PREX2: variants seen among roughly 807,000 people sequenced by gnomAD.
PREX2 encodes phosphatidylinositol 3,4,5-trisphosphate-dependent Rac exchanger 2 protein.
In PREX2, 107 loss-of-function variants were observed where a neutral mutation model predicts 203.2. That is an observed-to-expected ratio of 0.53 (90% CI 0.45 to 0.62). The LOEUF is 0.62. Ranked by LOEUF, PREX2 falls within the 20% of genes least tolerant of loss-of-function variation. The pLI is 0.00. For synonymous variants in PREX2, 672 were observed against 663.6 expected (o/e 1.01, Z -0.19); for missense variants, 1,777 against 1,955.9 (o/e 0.91, Z 1.72).
At chr8:68,060,315 A>G (rs925353333) in intron 10 of PREX2, among the ~76,000 whole-genome samples, 1 of 152,298 alleles carries the variant, frequency 6.6e-6, no homozygotes, top group Non-Finnish European at 1.5e-5. Context: ...GACTTTAGCT[A>G]TCTTTAGGAT....
At chr8:68,217,860 T>G (rs1335630441) in intron 38 of PREX2, 142 bp downstream of exon 38, 1 of 505,888 alleles carries the variant, frequency 2.0e-6, no homozygotes, top group Non-Finnish European at 3.1e-6. Context: ...GAATGAGAAA[T>G]GCTCCCAGGG....
intron 35 of PREX2, among the ~76,000 whole-genome samples, chr8:68,157,754 T>C (rs981921434): frequency 1.3e-5 from 2 of 152,004 alleles, no homozygotes; most frequent in African/African-American, 4.8e-5. Context: ...GTGTCCCCTA[T>C]AAGATTTATT....
At chr8:68,167,760 T>C (rs1811793529) in intron 35 of PREX2, among the ~76,000 whole-genome samples, 3 of 152,216 alleles carry the variant, frequency 2.0e-5, no homozygotes, top group Admixed American at 2.0e-4. Context: ...TATAGTTCCC[T>C]TTGTAAAATA....
chr8:67,953,932 A>T (rs1285243620), intron 1 of PREX2, among the ~76,000 whole-genome samples: 1 of 152,194 alleles, frequency 6.6e-6, no homozygotes, highest in African/African-American at 2.4e-5. Flanking sequence ...TTGGTAACAA[A>T]GTTCTTTGTC....
At chr8:67,961,653 A>G (rs1295994743) in intron 1 of PREX2, among the ~76,000 whole-genome samples, 3 of 152,106 alleles carry the variant, frequency 2.0e-5, no homozygotes, top group Admixed American at 1.3e-4. Context: ...ATATTCCCCC[A>G]TTTTCATAAA....
chr8:68,056,658 C>G (rs1808687922), intron 10 of PREX2, among the ~76,000 whole-genome samples: 1 of 152,128 alleles, frequency 6.6e-6, no homozygotes, highest in African/African-American at 2.4e-5. Context: ...TACATTATTT[C>G]TAATGCTGGA....
intron 9 of PREX2, 38 bp downstream of exon 9, chr8:68,053,284 G>A (rs754728593): frequency 6.2e-7 from 1 of 1,606,638 alleles, no homozygotes; most frequent in Admixed American, 1.7e-5. Context: ...ACTTTGTGAA[G>A]ACTCTAACTT....
chr8:68,141,288 T>C (rs920831458), intron 33 of PREX2, among the ~76,000 whole-genome samples: 1 of 152,182 alleles, frequency 6.6e-6, no homozygotes. Context: ...ATATGGGTCA[T>C]TTTATAGTAG....
chr8:68,078,231 T>A (rs974035502), intron 15 of PREX2, among the ~76,000 whole-genome samples: 2 of 152,140 alleles, frequency 1.3e-5, no homozygotes, highest in African/African-American at 2.4e-5. Context: ...AGTGGCATGA[T>A]CTCAGCTCAC....
At chr8:68,138,580 G>C (rs1239065483) in intron 33 of PREX2, 63 bp downstream of exon 33, 1 of 732,076 alleles carries the variant, frequency 1.4e-6, no homozygotes, top group Non-Finnish European at 2.3e-6. Context: ...ATATAACTTT[G>C]GTATTAATAT....
intron 17 of PREX2, among the ~76,000 whole-genome samples, chr8:68,082,007 C>G (rs1280313919): frequency 6.6e-6 from 1 of 150,962 alleles, no homozygotes; most frequent in African/African-American, 2.4e-5. Context: ...ACTTTACCAG[C>G]CTTTCAAACA....
chr8:68,063,466 C>A (rs1002700677), intron 11 of PREX2, among the ~76,000 whole-genome samples: 3 of 152,064 alleles, frequency 2.0e-5, no homozygotes, highest in African/African-American at 7.2e-5. Context: ...GATGGCTGAG[C>A]CTCTGTCAGA....
At chr8:68,097,841 C>A (rs538884182) in intron 22 of PREX2, among the ~76,000 whole-genome samples, 2 of 152,328 alleles carry the variant, frequency 1.3e-5, no homozygotes, top group Admixed American at 1.3e-4. Context: ...ACAGATGCTA[C>A]TTTTTCTTAA....
At chr8:68,150,684 C>G (rs561969855) in intron 34 of PREX2, among the ~76,000 whole-genome samples, 1 of 152,240 alleles carries the variant, frequency 6.6e-6, no homozygotes, top group East Asian at 1.9e-4. Context: ...CTGTGGGTGC[C>G]TTGGAAACCC....
In PREX2 at chr8:68,070,736, G is replaced by A. The variant is rs191415146; in HGVS notation, c.1493+852G>A. On this transcript the variant is annotated intron_variant, in intron 13 of 39. Coordinates refer to ENST00000288368, the MANE Select transcript of PREX2 (RefSeq NM_024870.4). ...TTTAGTGTTTCTATTTTTCACTTTG[G>A]TTTGTAATTCCAAGAAAATGCGAAG... is the stretch of plus-strand genomic sequence containing the variant. 3.7e-3 allele frequency among the ~76,000 whole-genome samples: 559 copies of A among 152,084 alleles called. 2 individuals carry two copies. Among genetic ancestry groups the A allele is most frequent in the Non-Finnish European group, 6.6e-3 (449 of 67,936 alleles).
In PREX2 at chr8:68,121,287, C is replaced by G. The variant is rs537140724; in HGVS notation, c.3724+238C>G. 1.1e-4 allele frequency among the ~76,000 whole-genome samples: 17 copies of G among 151,640 alleles called. No individual in the cohort carries two copies. The East Asian group carries it at 3.3e-3, about 29-fold the overall frequency. On this transcript the variant is annotated intron_variant, in intron 30 of 39. Coordinates refer to ENST00000288368, the MANE Select transcript of PREX2 (RefSeq NM_024870.4). ...ATTCTCAGTGAATAAAATAAGGGCTCAAAGTTATGAAGACAAATAGAACGT... is the reference window on the plus strand; with the variant it reads ...ATTCTCAGTGAATAAAATAAGGGCTGAAAGTTATGAAGACAAATAGAACGT...
At chr8:68,059,594 A>G (rs926693373) in intron 10 of PREX2, among the ~76,000 whole-genome samples, 11 of 152,360 alleles carry the variant, frequency 7.2e-5, no homozygotes, top group African/African-American at 2.6e-4. Context: ...CTATTGCTGT[A>G]TAACAAATGA....
chr8:68,201,595 T>C (rs1322933171), intron 37 of PREX2, among the ~76,000 whole-genome samples: 1 of 152,182 alleles, frequency 6.6e-6, no homozygotes, highest in East Asian at 1.9e-4. Flanking sequence ...TTATTCTGGC[T>C]GTGCTGGCAG....
At chr8:68,059,098 A>G (rs1473532467) in intron 10 of PREX2, among the ~76,000 whole-genome samples, 1 of 152,150 alleles carries the variant, frequency 6.6e-6, no homozygotes, top group African/African-American at 2.4e-5. Context: ...TTTGTTTTTG[A>G]AATTAATGAA....
Sources: allele counts gnomAD v4.1 joint callset (sites outside exome capture counted in the v4.1 genomes callset), GRCh38; gene constraint gnomAD v4.1.1; transcripts MANE v1.5; gene names NCBI Gene and HGNC (gene_info 2026-07-23, HGNC 2026-07-21).